The following SYNPR variants were observed in gnomAD, a reference collection of about 807,000 sequenced individuals.
The protein encoded by SYNPR is synaptoporin.
Under a neutral mutation model 32.9 loss-of-function variants are expected in SYNPR, and 23 were observed. The observed-to-expected ratio is 0.70, with a 90% CI of 0.50 to 0.99. SYNPR has a LOEUF of 0.99. SYNPR is among the 50% of genes least tolerant of loss of function. The pLI, the probability that SYNPR is intolerant of heterozygous loss-of-function variation, is 0.00. For synonymous variants in SYNPR, 146 were observed against 135.9 expected (o/e 1.07, Z -0.52); for missense variants, 318 against 349.3 (o/e 0.91, Z 0.71).
At chr3:63,429,676 GT>G (rs1165152929) in intron 2 of SYNPR, among the ~76,000 whole-genome samples, 1 of 152,212 alleles carries the variant, frequency 6.6e-6, no homozygotes, top group Non-Finnish European at 1.5e-5. Context: ...CATTTTAACA[GT>G]TTTTTGACAA....
the SYNPR span, among the ~76,000 whole-genome samples, chr3:63,222,514 TTTTG>T: frequency 2.4e-4 from 37 of 152,042 alleles, no homozygotes; most frequent in African/African-American, 5.6e-4. Context: ...ACAACCAGTT[TTTTG>T]TTTGTTTGTT....
chr3:63,600,418 G>A (rs1457139634), intron 4 of SYNPR, among the ~76,000 whole-genome samples: 2 of 152,160 alleles, frequency 1.3e-5, no homozygotes, highest in African/African-American at 4.8e-5. Flanking sequence ...AGCAGGAGGT[G>A]GGACAATGTA....
intron 4 of SYNPR, among the ~76,000 whole-genome samples, chr3:63,569,490 A>T (rs1007344731): frequency 6.6e-6 from 1 of 152,248 alleles, no homozygotes; most frequent in Non-Finnish European, 1.5e-5. Context: ...GAATAAAAAA[A>T]CTAAAATAAA....
At chr3:63,387,809 G>A (rs1035976300) in intron 2 of SYNPR, among the ~76,000 whole-genome samples, 7 of 152,184 alleles carry the variant, frequency 4.6e-5, no homozygotes, top group African/African-American at 1.7e-4. Context: ...TTGAAGTGCG[G>A]GAGAATTGGG....
intron 2 of SYNPR, among the ~76,000 whole-genome samples, chr3:63,468,508 C>G (rs1700730161): frequency 6.6e-6 from 1 of 151,954 alleles, no homozygotes; most frequent in Non-Finnish European, 1.5e-5. Context: ...CACACACACA[C>G]ACACACAAAT....
At chr3:63,286,128 C>T (rs2086678326) in intron 2 of SYNPR, among the ~76,000 whole-genome samples, 1 of 152,272 alleles carries the variant, frequency 6.6e-6, no homozygotes, top group South Asian at 2.1e-4. Context: ...TGTGGAGGGC[C>T]CTCAAACTGG....
chr3:63,462,357 A>G (rs1047794577), intron 2 of SYNPR, among the ~76,000 whole-genome samples: 2 of 151,976 alleles, frequency 1.3e-5, no homozygotes, highest in Non-Finnish European at 2.9e-5. Context: ...ATAAATACGC[A>G]TACACCCAGT....
intron 2 of SYNPR, among the ~76,000 whole-genome samples, chr3:63,303,216 G>A (rs916829034): frequency 5.6e-4 from 84 of 150,482 alleles, no homozygotes; most frequent in African/African-American, 1.9e-3. Context: ...ATGCTCTTAT[G>A]TGACCTTATC....
chr3:63,462,759 G>C (rs1314502897), intron 2 of SYNPR, among the ~76,000 whole-genome samples: 1 of 152,148 alleles, frequency 6.6e-6, no homozygotes, highest in East Asian at 1.9e-4. Flanking sequence ...CTGGAAAATT[G>C]TTATTTGCAT....
rs961835708 is a variant in SYNPR at position 63,420,752 on chromosome 3, G to A, written c.85-60080G>A. Among the ~76,000 whole-genome samples, 4 of 152,028 alleles carry A rather than the reference G, an allele frequency of 2.6e-5. No homozygotes were observed. In the South Asian group the frequency reaches 8.3e-4, roughly 32 times the overall value. On this transcript the variant is annotated intron_variant, in intron 2 of 5. Coordinates refer to ENST00000478300, the MANE Select transcript of SYNPR (RefSeq NM_001130003.2). ...TATCAAACAAAGACAATAGTCAACT[G>A]GGAAAAGATACTTTCAACATTTATA...
intron 2 of SYNPR, among the ~76,000 whole-genome samples, chr3:63,253,933 A>G (rs1431310950): frequency 4.6e-5 from 7 of 152,214 alleles, no homozygotes; most frequent in African/African-American, 1.7e-4. Context: ...TCCAACAATG[A>G]TAGACTGGAT....
At chr3:63,449,186 T>C (rs574399545) in intron 2 of SYNPR, among the ~76,000 whole-genome samples, 1 of 152,310 alleles carries the variant, frequency 6.6e-6, no homozygotes, top group South Asian at 2.1e-4. Flanking sequence ...AAAGAAACTA[T>C]GATTTTCCCT....
intron 2 of SYNPR, among the ~76,000 whole-genome samples, chr3:63,377,704 A>T (rs971421227): frequency 1.1e-4 from 16 of 152,118 alleles, no homozygotes; most frequent in Non-Finnish European, 1.8e-4. Flanking sequence ...AAAAACATTA[A>T]TTACATGGTT....
At position 63,615,582 on chromosome 3, in the gene SYNPR, A is replaced by G; in HGVS notation, c.*101A>G. ...TCAATCAATTATTAATGCAGAGAGT[A>G]TTGAATGTAAATCAGAGCTCTCTAG... is the stretch of plus-strand genomic sequence containing the variant. On this transcript the variant is annotated 3_prime_UTR_variant, in exon 6 of 6. Transcript: ENST00000478300. 1 of 1,440,678 alleles carries G rather than the reference A, an allele frequency of 6.9e-7. No homozygotes were observed. The highest frequency in any genetic ancestry group is 9.3e-7 in the Non-Finnish European group (1 of 1,075,962). 89.2% of individuals were successfully genotyped at this position (1,440,678 alleles called of 1,614,324 possible). A position where few individuals can be genotyped will look rare whatever the true frequency, so the allele number is the denominator to read the frequency against.
chr3:63,498,889 G>C (rs1701424515), intron 3 of SYNPR, among the ~76,000 whole-genome samples: 1 of 150,110 alleles, frequency 6.7e-6, no homozygotes, highest in South Asian at 2.1e-4. Context: ...TGAAGCAGGA[G>C]GATCGCTTGT....
intron 2 of SYNPR, chr3:63,443,239 CA>C: frequency 7.1e-7 from 1 of 1,407,628 alleles, no homozygotes; most frequent in Non-Finnish European, 9.3e-7. Flanking sequence ...ACCGTTTTGC[CA>C]TCTCTCTGCA....
At chr3:63,522,000 A>G (rs1701925038) in intron 3 of SYNPR, among the ~76,000 whole-genome samples, 1 of 152,184 alleles carries the variant, frequency 6.6e-6, no homozygotes, top group Non-Finnish European at 1.5e-5. Flanking sequence ...GGCACAGTGC[A>G]GAGGAGAAGG....
intron 2 of SYNPR, among the ~76,000 whole-genome samples, chr3:63,382,338 T>G (rs1032061976): frequency 6.6e-6 from 1 of 152,056 alleles, no homozygotes; most frequent in African/African-American, 2.4e-5. Context: ...GATTTGGAGG[T>G]GAGAGTGAGG....
At chr3:63,516,344 A>G (rs2106763402) in intron 3 of SYNPR, among the ~76,000 whole-genome samples, 1 of 152,210 alleles carries the variant, frequency 6.6e-6, no homozygotes, top group Admixed American at 6.5e-5. Context: ...GGATTCTTAG[A>G]GAGGTTCTAT....
Sources: allele counts gnomAD v4.1 joint callset (sites outside exome capture counted in the v4.1 genomes callset), GRCh38; gene constraint gnomAD v4.1.1; transcripts MANE v1.5; gene names NCBI Gene and HGNC (gene_info 2026-07-23, HGNC 2026-07-21).